The following EMILIN2 variants were observed in gnomAD, a reference collection of about 807,000 sequenced individuals.
EMILIN2 encodes the protein EMILIN-2.
In EMILIN2, 71 loss-of-function variants were observed where a neutral mutation model predicts 87.1. The observed-to-expected ratio is 0.82, with a 90% CI of 0.67 to 0.99. EMILIN2 has a LOEUF of 0.99. Ranked by LOEUF, EMILIN2 falls within the 50% of genes least tolerant of loss-of-function variation. The pLI is 0.00. For missense variants in EMILIN2, 1,407 were observed against 1,371.8 expected (o/e 1.03, Z -0.40); for synonymous variants, 581 against 563.4 (o/e 1.03, Z -0.44).
In EMILIN2 at chr18:2,869,621, G is replaced by A. The variant is rs528691388; in HGVS notation, c.258-15343G>A. On this transcript the variant is annotated intron_variant, in intron 2 of 7. Coordinates refer to ENST00000254528, the MANE Select transcript of EMILIN2 (RefSeq NM_032048.3). ...AGTAGCTGATTTTTTTTTTTGAGAT[G>A]GGATCTCACTATATTGCCCAGACTG... is the stretch of plus-strand genomic sequence containing the variant. 4.0e-5 allele frequency among the ~76,000 whole-genome samples: 6 copies of A among 151,000 alleles called. No individual in the cohort carries two copies. In the South Asian group the frequency reaches 1.3e-3, roughly 31 times the overall value.
At chr18:2,905,777 T>C (rs12607177) in intron 4 of EMILIN2, among the ~76,000 whole-genome samples, 6 of 101,774 alleles carry the variant, frequency 5.9e-5, no homozygotes, top group Non-Finnish European at 1.2e-4. Flanking sequence ...TAATTTTTGT[T>C]TTTTTGTTTT....
chr18:2,908,266 C>T (rs903054734), intron 5 of EMILIN2, among the ~76,000 whole-genome samples: 4 of 152,338 alleles, frequency 2.6e-5, no homozygotes, highest in Admixed American at 1.3e-4. Flanking sequence ...TGCATCTATC[C>T]GTGTATCCCT....
chr18:2,909,062 A>G, intron 6 of EMILIN2, 87 bp downstream of exon 6: 2 of 1,510,050 alleles, frequency 1.3e-6, no homozygotes, highest in Admixed American at 3.3e-5. Flanking sequence ...TCCTCCCTCC[A>G]GGCTATTAGC....
chr18:2,870,472 G>A (rs1014626664), intron 2 of EMILIN2, among the ~76,000 whole-genome samples: 4 of 152,286 alleles, frequency 2.6e-5, no homozygotes, highest in South Asian at 2.1e-4. Context: ...GATACAGTAA[G>A]GATCTTTCTG....
intron 2 of EMILIN2, among the ~76,000 whole-genome samples, chr18:2,857,595 G>A (rs1173410833): frequency 6.6e-6 from 1 of 152,188 alleles, no homozygotes; most frequent in Non-Finnish European, 1.5e-5. Flanking sequence ...CAGAACTCAG[G>A]GCGTGGGACG....
chr18:2,905,763 G>A (rs1242881640), intron 4 of EMILIN2, among the ~76,000 whole-genome samples: 2 of 145,254 alleles, frequency 1.4e-5, no homozygotes, highest in African/African-American at 2.6e-5. Flanking sequence ...CCACTACCCC[G>A]GGCTAATTTT....
rs1568454015 is a variant in EMILIN2 at position 2,858,553 on chromosome 18, A to ATGTGTGTGTG, written c.257+10623_257+10624insGTGTGTGTGT. Among the ~76,000 whole-genome samples the ATGTGTGTGTG allele has an allele frequency of 2.0e-4, 10 of 50,046 alleles. 1 individual carries two copies. The highest frequency in any genetic ancestry group is 1.2e-3 in the African/African-American group (8 of 6,946). 32.8% of individuals were successfully genotyped at this position (50,046 alleles called of 152,430 possible). On this transcript the variant is annotated intron_variant, in intron 2 of 7. Coordinates refer to ENST00000254528, the MANE Select transcript of EMILIN2 (RefSeq NM_032048.3). ...TATATATATATATATATATATATAT[A>ATGTGTGTGTG]TATATATATATATATATGTGTGTGT...
rs765077646 is a variant in EMILIN2 at position 2,891,637 on chromosome 18, G to A, written c.1510G>A (p.Val504Ile). The A allele has an allele frequency of 4.3e-5, 69 of 1,613,938 alleles. No homozygotes were observed. The highest frequency in any genetic ancestry group is 2.9e-4 in the East Asian group (13 of 44,894). Residue 504 changes from valine (V) to isoleucine (I), a missense_variant, in exon 4 of 8, where the codon GTT becomes ATT. Val to Ile is a conservative substitution (Grantham distance 29, BLOSUM62 3). Coordinates refer to ENST00000254528, the MANE Select transcript of EMILIN2 (RefSeq NM_032048.3). This position sits in a 1 kb window ranked among gnomAD's most constrained non-coding sequence, Gnocchi z 4.6. ...GTCTCTGGAAGACCGTCTGGGGAGC[G>A]TTCTCCTACAGATGACCAATAACAC... ...IQSLEDRLGSVLLQMTNNTGA... is the reference protein window; with the variant it reads ...IQSLEDRLGSILLQMTNNTGA...
chr18:2,876,706 C>T lies in EMILIN2; in HGVS notation c.258-8258C>T, dbSNP rs566559585. On this transcript the variant is annotated intron_variant, in intron 2 of 7. Coordinates refer to ENST00000254528, the MANE Select transcript of EMILIN2 (RefSeq NM_032048.3). ...GCGTGAACCCGGGAGGCGGAGCTTG[C>T]AGTGAGCCAAGATAGTGCCACTGCA... Among the ~76,000 whole-genome samples, 12 of 151,862 alleles carry T rather than the reference C, an allele frequency of 7.9e-5. 1 individual carries two copies. Among genetic ancestry groups the T allele is most frequent in the Non-Finnish European group, 1.8e-4 (12 of 68,000 alleles).
chr18:2,867,446 G>T (rs1400003095), intron 2 of EMILIN2, among the ~76,000 whole-genome samples: 5 of 152,168 alleles, frequency 3.3e-5, no homozygotes, highest in African/African-American at 4.8e-5. Flanking sequence ...AAGGTCAGCA[G>T]ATAAACAAGT....
intron 3 of EMILIN2, among the ~76,000 whole-genome samples, chr18:2,887,776 A>G (rs983482230): frequency 6.7e-6 from 1 of 150,122 alleles, no homozygotes; most frequent in Non-Finnish European, 1.5e-5. Context: ...CCCTGAATTC[A>G]CTGTCATTAT....
At chr18:2,887,815 C>T (rs547944552) in intron 3 of EMILIN2, among the ~76,000 whole-genome samples, 61 of 152,160 alleles carry the variant, frequency 4.0e-4, no homozygotes, top group Admixed American at 1.3e-3. Context: ...ACAACTTTTT[C>T]TATTTTAGAG....
chr18:2,852,466 C>T (rs1265198399), intron 2 of EMILIN2, among the ~76,000 whole-genome samples: 2 of 152,190 alleles, frequency 1.3e-5, no homozygotes, highest in Non-Finnish European at 2.9e-5. Context: ...GAATTTAAAG[C>T]CCATGCCCTA....
At chr18:2,874,783 C>T (rs1449793665) in intron 2 of EMILIN2, among the ~76,000 whole-genome samples, 5 of 151,974 alleles carry the variant, frequency 3.3e-5, no homozygotes, top group African/African-American at 1.2e-4. Flanking sequence ...TTTTTAAAAA[C>T]GAGAAGAAAT....
chr18:2,899,401 G>A (rs1169244488), intron 4 of EMILIN2, among the ~76,000 whole-genome samples: 2 of 152,184 alleles, frequency 1.3e-5, no homozygotes, highest in Non-Finnish European at 2.9e-5. Flanking sequence ...GGTCTCTCCT[G>A]GTGGCTTACT....
chr18:2,872,785 A>G (rs1244861059), intron 2 of EMILIN2, among the ~76,000 whole-genome samples: 1 of 152,216 alleles, frequency 6.6e-6, no homozygotes, highest in Non-Finnish European at 1.5e-5. Context: ...TACAGTGACC[A>G]AAGATATAAC....
chr18:2,876,529 G>A (rs1007193033), intron 2 of EMILIN2, among the ~76,000 whole-genome samples: 22 of 148,190 alleles, frequency 1.5e-4, no homozygotes, highest in Admixed American at 9.3e-4. Flanking sequence ...CACTTTGGGA[G>A]GCCGAGGTGG....
chr18:2,884,872 G>T, intron 2 of EMILIN2, 92 bp from the exon 3 acceptor site: 1 of 1,390,984 alleles, frequency 7.2e-7, no homozygotes, highest in Non-Finnish European at 9.7e-7. Context: ...GCAGGGTCCT[G>T]CATGCCCTGA....
Position 2,882,212 on chromosome 18 carries a change from G to A in EMILIN2, c.258-2752G>A, listed in dbSNP as rs77444675. ...ACAGCAATGAGAGAAGGAAGAGCCT[G>A]GAAGGTCTTTCCTCTCCTCATCCTC... On this transcript the variant is annotated intron_variant, in intron 2 of 7. Coordinates refer to ENST00000254528, the MANE Select transcript of EMILIN2 (RefSeq NM_032048.3). Among the ~76,000 whole-genome samples the A allele has an allele frequency of 4.5e-3, 689 of 152,314 alleles. 19 individuals carry two copies. The East Asian group carries it at 0.069, about 15-fold the overall frequency.
Sources: allele counts gnomAD v4.1 joint callset (sites outside exome capture counted in the v4.1 genomes callset), GRCh38; gene constraint gnomAD v4.1.1; non-coding constraint Gnocchi (gnomAD v3.1); transcripts MANE v1.5; gene names NCBI Gene and HGNC (gene_info 2026-07-23, HGNC 2026-07-21).